Variants in KLHL32 observed in about 807,000 individuals in gnomAD.
KLHL32 encodes kelch like family member 32.
In KLHL32, 35 loss-of-function variants were observed where a neutral mutation model predicts 64.8. The observed-to-expected ratio is 0.54, with a 90% confidence interval of 0.41 to 0.72. KLHL32 has a LOEUF of 0.72. Among genes scored for constraint, KLHL32 ranks in the 30% least tolerant of loss-of-function variants. The pLI is 0.00. For missense variants in KLHL32, 589 were observed against 768.5 expected, an observed-to-expected ratio of 0.77 and a Z score of 2.76; for synonymous variants, 259 against 281.0, an observed-to-expected ratio of 0.92 and a Z score of 0.78.
At chr6:96,949,940 T>G (rs1396477244) in intron 1 of KLHL32, among the ~76,000 whole-genome samples, 1 of 152,112 alleles carries the variant, frequency 6.6e-6, no homozygotes, top group Non-Finnish European at 1.5e-5. Context: ...TTATGGCTAG[T>G]GTTTTGAGTG....
chr6:97,112,764 T>A (rs1237472740), intron 6 of KLHL32, among the ~76,000 whole-genome samples: 24 of 149,484 alleles, frequency 1.6e-4, no homozygotes, highest in African/African-American at 5.9e-4. Context: ...TTTTTTAATT[T>A]TAAAAAAAAA....
chr6:97,034,910 G>T (rs1784067677), intron 3 of KLHL32, among the ~76,000 whole-genome samples: 1 of 151,618 alleles, frequency 6.6e-6, no homozygotes, highest in African/African-American at 2.4e-5. Flanking sequence ...GAATCTTCAG[G>T]GTTTCCTACG....
chr6:96,969,728 T>C (rs747767274), intron 2 of KLHL32, among the ~76,000 whole-genome samples: 10 of 152,326 alleles, frequency 6.6e-5, no homozygotes, highest in South Asian at 4.1e-4. Context: ...CAGCAACCTT[T>C]GAGTGTTGCT....
rs1385293033 is a variant in KLHL32, at chr6:97,114,271, C to A, written c.1116C>A (p.Asp372Glu). The change falls in exon 7 of 11, where the codon GAC becomes GAA. Residue 372 changes from aspartate to glutamate, a missense_variant. By Grantham distance (45) the Asp-to-Glu change is conservative. Transcript: ENST00000369261. Reference sequence around the variant, plus strand: ...CTGTGAGGACTGCCTGTCGCTATGACCCCCGCAGTAATTCCTGGGCAGAGA... The same window carrying A: ...CTGTGAGGACTGCCTGTCGCTATGAACCCCGCAGTAATTCCTGGGCAGAGA... ...TCAVRTACRY[D>E]PRSNSWAEIA... 5.6e-6 allele frequency: 9 copies of A among 1,614,028 alleles called. No homozygotes were observed. The highest frequency in any genetic ancestry group is 7.6e-6 in the Non-Finnish European group (9 of 1,180,034).
At chr6:96,997,769 C>T (rs1024287052) in intron 3 of KLHL32, among the ~76,000 whole-genome samples, 27 of 152,108 alleles carry the variant, frequency 1.8e-4, no homozygotes, top group Non-Finnish European at 5.9e-5. Context: ...ACAAGAGATC[C>T]TCCTGCTTAA....
intron 3 of KLHL32, among the ~76,000 whole-genome samples, chr6:97,005,155 T>A (rs970883604): frequency 3.9e-5 from 6 of 152,012 alleles, no homozygotes; most frequent in Admixed American, 6.6e-5. Flanking sequence ...GATTTAATTT[T>A]GGAACTCATT....
Position 96,986,220 on chromosome 6 carries a change from C to T in KLHL32, c.204+10043C>T, listed in dbSNP as rs185845077. Among the ~76,000 whole-genome samples, 144 of 152,262 alleles carry T rather than the reference C, an allele frequency of 9.5e-4. No individual in the cohort carries two copies. The Middle Eastern group carries it at 0.01, about 11-fold the overall frequency. On this transcript the variant is annotated intron_variant, in intron 3 of 10. Transcript: ENST00000369261. ...TGAACAGCAGATGTTGCTGCCGGAT[C>T]GTTCCTCTGGAATTTTTGTCTCAGA...
At chr6:96,953,565 G>A (rs1393043368) in intron 1 of KLHL32, among the ~76,000 whole-genome samples, 1 of 152,048 alleles carries the variant, frequency 6.6e-6, no homozygotes, top group African/African-American at 2.4e-5. Context: ...GGGAGGTGGA[G>A]GTTGCAGTGA....
chr6:96,901,461 G>A, the KLHL32 span, among the ~76,000 whole-genome samples: 4 of 151,634 alleles, frequency 2.6e-5, no homozygotes, highest in African/African-American at 2.4e-5. Context: ...TCTTTCCATC[G>A]TAACACCCTT....
In KLHL32 at chr6:97,139,489, C is replaced by CTT. The variant is rs1163630585; in HGVS notation, c.*210_*211dup. 12 of 536,024 alleles carry CTT rather than the reference C, an allele frequency of 2.2e-5. No individual in the cohort carries two copies. The highest frequency in any genetic ancestry group is 4.8e-4 in the Middle Eastern group (1 of 2,082). 33.2% of individuals were successfully genotyped at this position (536,024 alleles called of 1,614,324 possible). A position where few individuals can be genotyped will look rare whatever the true frequency, so the allele number is the denominator to read the frequency against. ...GTATGTCAACATTCAATATGTATGA[C>CTT]TTTTATTGTGGTATAGCTTAGTGCC... On this transcript the variant is annotated 3_prime_UTR_variant, in exon 11 of 11. Transcript: ENST00000369261.
chr6:97,091,212 GA>G (rs1411705900), intron 6 of KLHL32, among the ~76,000 whole-genome samples: 1 of 151,814 alleles, frequency 6.6e-6, no homozygotes, highest in Admixed American at 6.6e-5. Context: ...CTGTCTGGAA[GA>G]AAAAAAACAA....
chr6:97,067,053 C>G (rs1296559749), intron 5 of KLHL32, among the ~76,000 whole-genome samples: 1 of 152,090 alleles, frequency 6.6e-6, no homozygotes. Flanking sequence ...CTTAAAATGC[C>G]ATTCTTTCTT....
intron 5 of KLHL32, among the ~76,000 whole-genome samples, chr6:97,079,924 T>C (rs1792226401): frequency 6.6e-6 from 1 of 152,206 alleles, no homozygotes; most frequent in Non-Finnish European, 1.5e-5. Flanking sequence ...TGAGCTGTAA[T>C]TTCCATTCAA....
the KLHL32 span, among the ~76,000 whole-genome samples, chr6:96,901,869 G>C: frequency 1.3e-5 from 2 of 152,160 alleles, no homozygotes; most frequent in African/African-American, 4.8e-5. Context: ...GTTTGCTAAA[G>C]ATAATGGCCT....
chr6:97,037,572 G>A (rs1035077233), intron 3 of KLHL32, among the ~76,000 whole-genome samples: 13 of 152,066 alleles, frequency 8.5e-5, no homozygotes, highest in African/African-American at 1.9e-4. Flanking sequence ...TTCATGGATA[G>A]GAATAATTAA....
chr6:96,945,972 G>A (rs1035354140), intron 1 of KLHL32, among the ~76,000 whole-genome samples: 2 of 152,090 alleles, frequency 1.3e-5, no homozygotes, highest in African/African-American at 4.8e-5. Context: ...CTGCAGTTAT[G>A]GGTGTGGGGT....
chr6:97,129,324 T>A (rs189969365), intron 8 of KLHL32, among the ~76,000 whole-genome samples: 7 of 152,320 alleles, frequency 4.6e-5, no homozygotes, highest in African/African-American at 1.2e-4. Context: ...CAAATTTTTC[T>A]TGGCAAAAAG....
intron 1 of KLHL32, among the ~76,000 whole-genome samples, chr6:96,957,798 G>A (rs1281454905): frequency 6.6e-6 from 1 of 152,142 alleles, no homozygotes; most frequent in African/African-American, 2.4e-5. Flanking sequence ...GTATTCATGA[G>A]GGTGACTAGA....
intron 3 of KLHL32, among the ~76,000 whole-genome samples, chr6:96,988,939 C>G (rs904809138): frequency 2.0e-5 from 3 of 151,844 alleles, no homozygotes; most frequent in Non-Finnish European, 4.4e-5. Context: ...GAACATCACA[C>G]ACTGGGGCCT....
Sources: allele counts gnomAD v4.1 joint callset (sites outside exome capture counted in the v4.1 genomes callset), GRCh38; gene constraint gnomAD v4.1.1; transcripts MANE v1.5; gene names NCBI Gene and HGNC (gene_info 2026-07-23, HGNC 2026-07-21).